Variants in TRPM2 observed in about 807,000 individuals in gnomAD.
TRPM2 encodes the protein estrogen-responsive element-associated gene 1 protein.
TRPM2 carries 161 observed loss-of-function variants against 174.0 expected under a neutral mutation model. The ratio of observed to expected loss-of-function variants is 0.93; its 90% CI spans 0.81 to 1.05. TRPM2 has a LOEUF of 1.05. Ranked by LOEUF, TRPM2 falls within the 50% of genes least tolerant of loss-of-function variation. The probability of loss-of-function intolerance (pLI) is 0.00; values close to 1 mark genes in which losing one functional copy is unlikely to be tolerated. For synonymous variants in TRPM2, 954 were observed against 861.3 expected (o/e 1.11, Z -1.88); for missense variants, 2,057 against 2,038.0 (o/e 1.01, Z -0.18).
chr21:44,376,105 A>G lies in TRPM2; in HGVS notation c.952+92A>G, dbSNP rs749426977. 9.9e-5 allele frequency: 146 copies of G among 1,473,772 alleles called. No homozygotes were observed. The highest frequency in any genetic ancestry group is 1.3e-4 in the Non-Finnish European group (144 of 1,087,316). 91.3% of individuals were successfully genotyped at this position (1,473,772 alleles called of 1,614,324 possible). A position where few individuals can be genotyped will look rare whatever the true frequency, so the allele number is the denominator to read the frequency against. On this transcript the variant is annotated intron_variant, in intron 6 of 31. Transcript: ENST00000397928. This position sits in a 1 kb window ranked among gnomAD's most constrained non-coding sequence, Gnocchi z 4.2. ...CAGCTGGTCACGACCAGGACGTTCA[A>G]CAGGCCTGGCGTTTGGCAGAGAGTG...
upstream of TRPM2, among the ~76,000 whole-genome samples, chr21:44,352,435 C>G (rs1034248510): frequency 6.6e-6 from 1 of 152,212 alleles, no homozygotes; most frequent in Admixed American, 6.5e-5. Context: ...TGCGTGGCCC[C>G]GAAGAGGGGC....
intron 13 of TRPM2, among the ~76,000 whole-genome samples, chr21:44,398,170 A>G (rs1481701371): frequency 6.6e-6 from 1 of 151,286 alleles, no homozygotes; most frequent in African/African-American, 2.4e-5. Context: ...CTGGAGTTTC[A>G]TCACCCAAAT....
intron 27 of TRPM2, among the ~76,000 whole-genome samples, chr21:44,430,257 TACCA>T (rs1241538904): frequency 1.3e-5 from 2 of 152,340 alleles, no homozygotes; most frequent in Admixed American, 6.5e-5. Flanking sequence ...TATGAGGTTA[TACCA>T]GTCTCAATGA....
intron 29 of TRPM2, among the ~76,000 whole-genome samples, chr21:44,437,792 A>G (rs1426028981): frequency 2.0e-5 from 3 of 152,200 alleles, no homozygotes; most frequent in African/African-American, 7.2e-5. Flanking sequence ...GTTTCCTCCC[A>G]GGCCAGCCTG....
At chr21:44,423,327 A>C in intron 22 of TRPM2, 4 of 357,750 alleles carry the variant, frequency 1.1e-5, no homozygotes, top group Non-Finnish European at 1.6e-5. Context: ...GCCCAGAGGA[A>C]GTTTCATTGT....
rs575267648 is a variant in TRPM2 at position 44,403,800 on chromosome 21, G to C, written c.2539-1342G>C. ...GCATGCACACATACAAATATACACA[G>C]ATAAACACATGTATACACATGCACA... On this transcript the variant is annotated intron_variant, in intron 16 of 31. Transcript: ENST00000397928. Among the ~76,000 whole-genome samples the C allele has an allele frequency of 8.8e-5, 13 of 146,916 alleles. No homozygotes were observed. The South Asian group carries it at 2.4e-3, about 27-fold the overall frequency.
chr21:44,395,569 T>C lies in TRPM2; in HGVS notation c.1932+18T>C. The C allele has an allele frequency of 6.2e-7, 1 of 1,612,442 alleles. No homozygotes were observed. Among genetic ancestry groups the C allele is most frequent in the Non-Finnish European group, 8.5e-7 (1 of 1,179,876 alleles). On this transcript the variant is annotated intron_variant, in intron 12 of 31. Coordinates refer to ENST00000397928, the MANE Select transcript of TRPM2 (RefSeq NM_003307.4). Reference sequence around the variant, plus strand: ...GGGCTCAGGTAATAAGACTGGCTTCTCAGTCTCAGCAGACACAGCTATAGG... The same window carrying C: ...GGGCTCAGGTAATAAGACTGGCTTCCCAGTCTCAGCAGACACAGCTATAGG...
chr21:44,363,976 C>A, intron 2 of TRPM2, 138 bp from the exon 3 acceptor site: 1 of 870,460 alleles, frequency 1.1e-6, no homozygotes, highest in Non-Finnish European at 1.7e-6. Flanking sequence ...GCTGCCTCCC[C>A]CATGGCTGGA....
rs778463618 is a variant in TRPM2, at chr21:44,391,381, A to G, written c.1550A>G (p.Asp517Gly). The change falls in exon 11 of 32, where the codon GAC (aspartate) becomes GGC (glycine). Residue 517 changes from aspartate to glycine, a missense_variant. Physicochemically the swap from Asp to Gly is moderately conservative, Grantham distance 94. Transcript: ENST00000397928. The surrounding 1 kb of genome is among the most constrained non-coding windows in gnomAD (Gnocchi z 5.0). ...CAGCTGAAGGAGTTTGTCACCTGGG[A>G]CACCTTGCTCTACCTGTACGAGAAC... ...GVQLKEFVTW[D>G]TLLYLYENLD... The G allele has an allele frequency of 5.0e-6, 8 of 1,613,998 alleles. No homozygotes were observed. The Admixed American group carries it at 8.3e-5, about 17-fold the overall frequency.
chr21:44,441,053 G>A lies in TRPM2; in HGVS notation c.4386+148G>A, dbSNP rs532779200. ...CGTGGCCTCCGGGGAGAGGGAAGGC[G>A]GGGACCGGGGTCTGGATTCTGGACG... On this transcript the variant is annotated intron_variant, in intron 31 of 31. Coordinates refer to ENST00000397928, the MANE Select transcript of TRPM2 (RefSeq NM_003307.4). 63 of 696,508 alleles carry A rather than the reference G, an allele frequency of 9.0e-5. No homozygotes were observed. In the East Asian group the frequency reaches 1.2e-3, roughly 13 times the overall value. 43.1% of individuals were successfully genotyped at this position (696,508 alleles called of 1,614,324 possible).
At position 44,366,825 on chromosome 21, in the gene TRPM2, C is replaced by T. The variant is rs768741228; in HGVS notation, c.495C>T (p.Asp165=). 68 of 1,613,812 alleles carry T rather than the reference C, an allele frequency of 4.2e-5. No individual in the cohort carries two copies. The highest frequency in any genetic ancestry group is 4.3e-5 in the Non-Finnish European group (51 of 1,179,984). The part of the protein sequence containing the change: ...YHLMTQHWGL[D]VPNLLISVTG... ...TCATGACCCAGCACTGGGGGCTGGA[C>T]GTCCCCAATCTCTTGATCTCGGTGA... The change falls in exon 4 of 32, where the codon GAC becomes GAT. Residue 165 remains aspartate, a synonymous_variant. Coordinates refer to ENST00000397928, the MANE Select transcript of TRPM2 (RefSeq NM_003307.4). This position sits in a 1 kb window ranked among gnomAD's most constrained non-coding sequence, Gnocchi z 6.0.
chr21:44,438,206 C>T lies in TRPM2; in HGVS notation c.4168-861C>T. 6.6e-6 allele frequency among the ~76,000 whole-genome samples: 1 copy of T among 152,214 alleles called. No homozygotes were observed. Among genetic ancestry groups the T allele is most frequent in the Non-Finnish European group, 1.5e-5 (1 of 68,032 alleles). On this transcript the variant is annotated intron_variant, in intron 29 of 31. Transcript: ENST00000397928. The surrounding 1 kb of genome is among the most constrained non-coding windows in gnomAD (Gnocchi z 5.9). ...CAGAGGGGGCCTTTGGCCTTGGGGT[C>T]CCCTTGCTGCCCTGCTGCGCTCACC...
intron 27 of TRPM2, 57 bp from the exon 28 acceptor site, chr21:44,435,074 C>T: frequency 6.4e-7 from 1 of 1,560,708 alleles, no homozygotes; most frequent in Non-Finnish European, 8.8e-7. Flanking sequence ...CCCTCCCTGC[C>T]CTGTCCTGCT....
At chr21:44,431,917 G>A (rs1167936494) in intron 27 of TRPM2, among the ~76,000 whole-genome samples, 2 of 152,262 alleles carry the variant, frequency 1.3e-5, no homozygotes, top group East Asian at 3.9e-4. Flanking sequence ...TGTTGCAGCT[G>A]TTTGGCTGTA....
chr21:44,418,402 T>C (rs867607107), intron 21 of TRPM2, 21 bp from the exon 22 acceptor site: 1 of 1,612,634 alleles, frequency 6.2e-7, no homozygotes, highest in Middle Eastern at 1.7e-4. Flanking sequence ...GGTCCCCTGG[T>C]CTGTCCGCCC....
intron 11 of TRPM2, 151 bp from the exon 12 acceptor site, chr21:44,395,263 T>A: frequency 2.3e-6 from 2 of 887,678 alleles, no homozygotes; most frequent in Admixed American, 2.9e-5. Context: ...TGATCTAGGG[T>A]GTTGCTGAAA....
intron 24 of TRPM2, chr21:44,425,151 T>C (rs553190562): frequency 2.3e-3 from 1,287 of 559,864 alleles, no homozygotes; most frequent in Middle Eastern, 4.3e-3. Flanking sequence ...TGACCTGACC[T>C]GGTTCCTGGA....
chr21:44,384,479 T>C (rs922750685), intron 9 of TRPM2, among the ~76,000 whole-genome samples: 1 of 152,126 alleles, frequency 6.6e-6, no homozygotes, highest in African/African-American at 2.4e-5. Context: ...CACAGATGCA[T>C]GAAAGAGAGT....
intron 3 of TRPM2, among the ~76,000 whole-genome samples, chr21:44,365,356 T>C (rs958159655): frequency 3.9e-5 from 6 of 152,198 alleles, no homozygotes; most frequent in African/African-American, 1.4e-4. Context: ...GTCCACTCAA[T>C]GCATGGTGTT....
Sources: gnomAD v4.1 joint callset for allele counts (sites outside exome capture counted in the v4.1 genomes callset) on GRCh38, gnomAD v4.1.1 for gene constraint, Gnocchi (gnomAD v3.1) non-coding constraint, MANE v1.5 for transcripts, NCBI Gene and HGNC (gene_info 2026-07-23, HGNC 2026-07-21) for gene names.